The following SLCO1B1 variants were observed in gnomAD, a reference collection of about 807,000 sequenced individuals.
The protein encoded by SLCO1B1 is OATP-2.
Under a neutral mutation model 70.1 loss-of-function variants are expected in SLCO1B1, and 81 were observed. The ratio of observed to expected loss-of-function variants is 1.16; its 90% CI spans 0.97 to 1.39. The LOEUF (loss-of-function observed/expected upper bound fraction) is 1.39. SLCO1B1 is among the 40% of genes most tolerant of loss of function. The pLI is 0.00. For missense variants in SLCO1B1, 895 were observed against 799.6 expected (o/e 1.12, Z -1.44); for synonymous variants, 283 against 271.5 (o/e 1.04, Z -0.42).
chr12:21,205,383 T>G (rs950080975), intron 10 of SLCO1B1, among the ~76,000 whole-genome samples: 1 of 151,916 alleles, frequency 6.6e-6, no homozygotes, highest in African/African-American at 2.4e-5. Flanking sequence ...GCTTTAAGCA[T>G]GTCTGTTTTT....
chr12:21,191,865 A>G (rs1008560723), intron 7 of SLCO1B1, among the ~76,000 whole-genome samples: 4 of 152,116 alleles, frequency 2.6e-5, no homozygotes, highest in South Asian at 4.1e-4. Context: ...GCTGTTTAAC[A>G]TCTGCATATT....
At chr12:21,207,024 T>C (rs1312864217) in intron 11 of SLCO1B1, among the ~76,000 whole-genome samples, 2 of 151,936 alleles carry the variant, frequency 1.3e-5, no homozygotes, top group Non-Finnish European at 1.5e-5. Flanking sequence ...TGCACAAATA[T>C]GGCCCAAAGA....
chr12:21,215,858 A>C (rs1199791477), intron 11 of SLCO1B1, among the ~76,000 whole-genome samples: 1 of 152,122 alleles, frequency 6.6e-6, no homozygotes, highest in Non-Finnish European at 1.5e-5. Flanking sequence ...ATTGATAGGC[A>C]GGTTTTTTCA....
chr12:21,226,431 G>T (rs1941483065), intron 14 of SLCO1B1, among the ~76,000 whole-genome samples: 1 of 148,406 alleles, frequency 6.7e-6, no homozygotes, highest in South Asian at 2.1e-4. Flanking sequence ...GAAAAAAAAA[G>T]AACATTAAAA....
intron 11 of SLCO1B1, among the ~76,000 whole-genome samples, chr12:21,212,477 CT>C (rs1941299886): frequency 6.9e-6 from 1 of 144,476 alleles, no homozygotes; most frequent in Non-Finnish European, 1.5e-5. Flanking sequence ...GAGAGCTTTA[CT>C]TCCCAGTATG....
In SLCO1B1 at chr12:21,207,796, C is replaced by T. The variant is rs951302711; in HGVS notation, c.1497+1763C>T. Among the ~76,000 whole-genome samples, 6 of 151,782 alleles carry T rather than the reference C, an allele frequency of 4.0e-5. 1 individual carries two copies. The highest frequency in any genetic ancestry group is 9.7e-5 in the African/African-American group (4 of 41,360). On this transcript the variant is annotated intron_variant, in intron 11 of 14. Coordinates refer to ENST00000256958, the MANE Select transcript of SLCO1B1 (RefSeq NM_006446.5). ...GCATTCCCTTTCTTCTGCAGCCTTG[C>T]CAGCGTCTGTTTTTTTAATGTTTTG...
chr12:21,141,706 T>A, intron 2 of SLCO1B1, 48 bp downstream of exon 2: 1 of 1,181,068 alleles, frequency 8.5e-7, no homozygotes, highest in African/African-American at 1.5e-5. Context: ...AATAGGGAAC[T>A]TTAATGTATA....
At chr12:21,141,913 C>T (rs1198065741) in intron 2 of SLCO1B1, among the ~76,000 whole-genome samples, 1 of 151,442 alleles carries the variant, frequency 6.6e-6, no homozygotes, top group African/African-American at 2.4e-5. Flanking sequence ...GATAGCTTCT[C>T]TTTGGTTTTG....
At chr12:21,164,360 C>G (rs559242241) in intron 2 of SLCO1B1, among the ~76,000 whole-genome samples, 1 of 152,064 alleles carries the variant, frequency 6.6e-6, no homozygotes, top group Non-Finnish European at 1.5e-5. Context: ...TACAGTTATC[C>G]GAACTAGAAA....
intron 2 of SLCO1B1, among the ~76,000 whole-genome samples, chr12:21,168,256 A>G (rs1320433944): frequency 1.3e-5 from 2 of 152,312 alleles, no homozygotes; most frequent in East Asian, 3.9e-4. Flanking sequence ...TTAAGTCTGC[A>G]TAATATTCCA....
intron 14 of SLCO1B1, among the ~76,000 whole-genome samples, 195 bp downstream of exon 14, chr12:21,225,034 C>A (rs1015865023): frequency 1.3e-5 from 2 of 151,894 alleles, no homozygotes; most frequent in Admixed American, 1.3e-4. Context: ...TGGATATTTT[C>A]TTCTATTCTG....
chr12:21,202,756 T>C, intron 10 of SLCO1B1, 70 bp downstream of exon 10: 2 of 1,235,530 alleles, frequency 1.6e-6, no homozygotes, highest in East Asian at 4.7e-5. Context: ...GTATAAGTAA[T>C]ATAAGGCAGA....
chr12:21,166,624 A>G (rs1940689849), intron 2 of SLCO1B1, among the ~76,000 whole-genome samples: 1 of 152,216 alleles, frequency 6.6e-6, no homozygotes, highest in African/African-American at 2.4e-5. Flanking sequence ...AATTCCAAAC[A>G]CAAAAATATA....
chr12:21,209,222 C>A (rs1941250842), intron 11 of SLCO1B1, among the ~76,000 whole-genome samples: 1 of 151,610 alleles, frequency 6.6e-6, no homozygotes, highest in Admixed American at 6.6e-5. Context: ...TCCCACCCCA[C>A]AACAGTCCCC....
At position 21,202,480 on chromosome 12, in the gene SLCO1B1, T is replaced by C. The variant is rs1200550925; in HGVS notation, c.1136-11T>C. ...CATATATGATTACAACTTTTTTTCT[T>C]TTTTTTCTAGGAGTCATAACCATAC... On this transcript the variant is annotated splice_polypyrimidine_tract_variant and intron_variant, in intron 9 of 14. Transcript: ENST00000256958. 6.4e-7 allele frequency: 1 copy of C among 1,571,412 alleles called. No individual in the cohort carries two copies. Among genetic ancestry groups the C allele is most frequent in the African/African-American group, 1.4e-5 (1 of 73,006 alleles).
At chr12:21,142,885 G>A (rs1940331052) in intron 2 of SLCO1B1, among the ~76,000 whole-genome samples, 1 of 152,064 alleles carries the variant, frequency 6.6e-6, no homozygotes, top group South Asian at 2.1e-4. Flanking sequence ...GAGAAGCTGG[G>A]AGTTAGGGAA....
At chr12:21,150,176 G>A (rs1484210194) in intron 2 of SLCO1B1, among the ~76,000 whole-genome samples, 1 of 152,134 alleles carries the variant, frequency 6.6e-6, no homozygotes, top group Non-Finnish European at 1.5e-5. Flanking sequence ...ATCTCTTAAA[G>A]AAAGGCAGCA....
At position 21,155,372 on chromosome 12, in the gene SLCO1B1, C is replaced by T. The variant is rs200627820; in HGVS notation, c.84+13714C>T. Among the ~76,000 whole-genome samples the T allele has an allele frequency of 4.7e-4, 71 of 151,880 alleles. No individual in the cohort carries two copies. In the East Asian group the frequency reaches 6.8e-3, roughly 15 times the overall value. Reference sequence around the variant, plus strand: ...TTTTACATCTTGTACTCCATATTTTCTACTTGTTCTTTTTTGTTATCTTAT... The same window carrying T: ...TTTTACATCTTGTACTCCATATTTTTTACTTGTTCTTTTTTGTTATCTTAT... On this transcript the variant is annotated intron_variant, in intron 2 of 14. Transcript: ENST00000256958.
intron 1 of SLCO1B1, among the ~76,000 whole-genome samples, chr12:21,134,402 G>A (rs1264345583): frequency 2.0e-5 from 3 of 152,170 alleles, no homozygotes; most frequent in Admixed American, 6.5e-5. Context: ...AGTTTCAGAA[G>A]TATTGGTACC....
Sources: gnomAD v4.1 joint callset for allele counts (sites outside exome capture counted in the v4.1 genomes callset) on GRCh38, gnomAD v4.1.1 for gene constraint, MANE v1.5 for transcripts, NCBI Gene and HGNC (gene_info 2026-07-23, HGNC 2026-07-21) for gene names.